FAM135B: variants seen among roughly 807,000 people sequenced by gnomAD.
FAM135B encodes the protein protein FAM135B.
FAM135B carries 43 observed loss-of-function variants against 127.7 expected under a neutral mutation model. The ratio of observed to expected loss-of-function variants is 0.34; its 90% CI spans 0.26 to 0.43. The LOEUF is 0.43. FAM135B is among the 20% of genes least tolerant of loss of function. The pLI is 1.00. For missense variants in FAM135B, 1,558 were observed against 1,725.6 expected (o/e 0.90, Z 1.72); for synonymous variants, 670 against 665.1 (o/e 1.01, Z -0.11).
At chr8:138,404,290 A>T (rs1833326828) in intron 1 of FAM135B, among the ~76,000 whole-genome samples, 2 of 152,342 alleles carry the variant, frequency 1.3e-5, no homozygotes, top group Admixed American at 6.5e-5. Context: ...AAATGCACAC[A>T]TCTTATTTAA....
intron 3 of FAM135B, among the ~76,000 whole-genome samples, chr8:138,281,481 C>T (rs997844944): frequency 2.4e-4 from 35 of 148,266 alleles, no homozygotes; most frequent in African/African-American, 8.6e-4. Context: ...AAAAAAAATC[C>T]TATTGAGGTA....
intron 1 of FAM135B, among the ~76,000 whole-genome samples, chr8:138,405,443 T>C (rs1187948605): frequency 2.0e-5 from 3 of 147,514 alleles, no homozygotes; most frequent in Non-Finnish European, 3.0e-5. Flanking sequence ...TATTCCCACC[T>C]ATGAGTGAGA....
At chr8:138,348,127 C>CTT (rs58289442) in intron 2 of FAM135B, among the ~76,000 whole-genome samples, 23,942 of 52,982 alleles carry the variant, frequency 0.45, 6,205 homozygotes, top group Non-Finnish European at 0.55. Context: ...TTTTCCTCCT[C>CTT]TTTTTTTTTT....
intron 2 of FAM135B, among the ~76,000 whole-genome samples, chr8:138,316,346 T>C (rs1384494880): frequency 6.6e-6 from 1 of 151,530 alleles, no homozygotes. Context: ...TACAAAAAAT[T>C]AGCCAGGCGC....
intron 2 of FAM135B, among the ~76,000 whole-genome samples, chr8:138,321,665 T>G (rs1472299623): frequency 6.6e-6 from 1 of 152,134 alleles, no homozygotes; most frequent in African/African-American, 2.4e-5. Context: ...ATAGTGCCAT[T>G]ATAAGGATTA....
chr8:138,267,821 A>C (rs1823055164), intron 3 of FAM135B, among the ~76,000 whole-genome samples: 1 of 152,242 alleles, frequency 6.6e-6, no homozygotes. Flanking sequence ...TGAAGGCAAT[A>C]AAATTACTGG....
chr8:138,373,457 G>A (rs1246131287), intron 1 of FAM135B, among the ~76,000 whole-genome samples: 7 of 149,578 alleles, frequency 4.7e-5, no homozygotes, highest in African/African-American at 1.2e-4. Context: ...GATGTATGTC[G>A]CCTCAGGACC....
chr8:138,440,600 T>A (rs993444286), intron 1 of FAM135B: 1 of 152,150 alleles, frequency 6.6e-6, no homozygotes. Flanking sequence ...CAAGATAACA[T>A]AAATCAGTTC....
intron 1 of FAM135B, among the ~76,000 whole-genome samples, chr8:138,401,516 T>C (rs1587357012): frequency 6.6e-6 from 1 of 152,206 alleles, no homozygotes; most frequent in African/African-American, 2.4e-5. Context: ...GACAGCCACG[T>C]GCTTAAAAGA....
intron 3 of FAM135B, among the ~76,000 whole-genome samples, chr8:138,282,966 T>A (rs1824375951): frequency 6.6e-6 from 1 of 151,708 alleles, no homozygotes; most frequent in Non-Finnish European, 1.5e-5. Flanking sequence ...AGTGGTGTGA[T>A]CTCGGCTTAC....
At chr8:138,244,866 C>T (rs1279271961) in intron 6 of FAM135B, among the ~76,000 whole-genome samples, 1 of 152,098 alleles carries the variant, frequency 6.6e-6, no homozygotes, top group Non-Finnish European at 1.5e-5. Context: ...GGATTCTTTG[C>T]TTCAGCTTGT....
intron 7 of FAM135B, among the ~76,000 whole-genome samples, chr8:138,201,569 G>A (rs556353738): frequency 5.9e-5 from 9 of 152,240 alleles, no homozygotes; most frequent in African/African-American, 1.2e-4. Flanking sequence ...TTAGTCAGTC[G>A]GGCAGACCTG....
chr8:138,138,942 C>CCAAG lies in FAM135B; in HGVS notation c.3901+40_3901+43dup. The CCAAG allele has an allele frequency of 3.3e-6, 4 of 1,227,532 alleles. 1 individual carries two copies. In the South Asian group the frequency reaches 4.8e-5, roughly 15 times the overall value. The allele number at this position is 1,227,532 out of a possible 1,614,324, so 76.0% of individuals were successfully genotyped here. A position where few individuals can be genotyped will look rare whatever the true frequency, so the allele number is the denominator to read the frequency against. ...TCATTTGTGTCTCAGGAGTTGAATCCCAAGCTCAAACTCATAACTGCAGCT... is the reference window on the plus strand; with the variant it reads ...TCATTTGTGTCTCAGGAGTTGAATCCCAAGCAAGCTCAAACTCATAACTGCAGCT... On this transcript the variant is annotated intron_variant, in intron 18 of 19. Coordinates refer to ENST00000395297, the MANE Select transcript of FAM135B (RefSeq NM_015912.4).
intron 3 of FAM135B, among the ~76,000 whole-genome samples, chr8:138,307,127 T>C (rs1202800176): frequency 3.3e-5 from 5 of 152,162 alleles, no homozygotes; most frequent in African/African-American, 1.2e-4. Flanking sequence ...AATTCCCACA[T>C]GTTGTGGGAG....
At chr8:138,487,553 C>T (rs971981862) in intron 1 of FAM135B, among the ~76,000 whole-genome samples, 1 of 151,628 alleles carries the variant, frequency 6.6e-6, no homozygotes. Flanking sequence ...CAGCACCCAC[C>T]CGTGCATTCA....
chr8:138,205,950 G>A (rs531693591), intron 7 of FAM135B, among the ~76,000 whole-genome samples: 103 of 149,442 alleles, frequency 6.9e-4, no homozygotes, highest in Non-Finnish European at 1.2e-3. Context: ...TGCCCTCCCC[G>A]TTCACACAGC....
intron 3 of FAM135B, among the ~76,000 whole-genome samples, chr8:138,278,312 GA>G (rs1823988847): frequency 6.6e-6 from 1 of 151,228 alleles, no homozygotes; most frequent in South Asian, 2.1e-4. Context: ...TTGTGTCTGA[GA>G]AAATTCTACA....
chr8:138,204,298 T>C (rs1396523210), intron 7 of FAM135B, among the ~76,000 whole-genome samples: 1 of 152,232 alleles, frequency 6.6e-6, no homozygotes, highest in African/African-American at 2.4e-5. Flanking sequence ...AGGTCAAATG[T>C]CACCTCCTCT....
chr8:138,399,986 C>T (rs1298217276), intron 1 of FAM135B, among the ~76,000 whole-genome samples: 1 of 152,180 alleles, frequency 6.6e-6, no homozygotes, highest in East Asian at 1.9e-4. Context: ...GAATATATAT[C>T]GTCATCCTTT....
Sources: allele counts gnomAD v4.1 joint callset (sites outside exome capture counted in the v4.1 genomes callset), GRCh38; gene constraint gnomAD v4.1.1; transcripts MANE v1.5; gene names NCBI Gene and HGNC (gene_info 2026-07-23, HGNC 2026-07-21).